The following PEX5L variants were observed in gnomAD, a reference collection of about 807,000 sequenced individuals.
PEX5L encodes PEX5-related protein.
PEX5L carries 30 observed loss-of-function variants against 84.0 expected under a neutral mutation model. The ratio of observed to expected loss-of-function variants is 0.36; its 90% CI spans 0.27 to 0.48. The LOEUF (loss-of-function observed/expected upper bound fraction) is 0.48, where lower values mean the gene tolerates loss of function less well. Ranked by LOEUF, PEX5L falls within the 20% of genes least tolerant of loss-of-function variation. PEX5L has a pLI of 0.99. For synonymous variants in PEX5L, 270 were observed against 283.1 expected (o/e 0.95, Z 0.46); for missense variants, 533 against 754.6 (o/e 0.71, Z 3.44).
rs1314300695 is a variant in PEX5L at position 179,800,539 on chromosome 3, A to T, written c.*1289T>A. 6.6e-6 allele frequency: 1 copy of T among 152,218 alleles called. No homozygotes were observed. Among genetic ancestry groups the T allele is most frequent in the Non-Finnish European group, 1.5e-5 (1 of 68,032 alleles). The allele number at this position is 152,218 out of a possible 1,614,324, so 9.4% of individuals were successfully genotyped here. A position where few individuals can be genotyped will look rare whatever the true frequency, so the allele number is the denominator to read the frequency against. On this transcript the variant is annotated 3_prime_UTR_variant, in exon 15 of 15. Coordinates refer to ENST00000467460, the MANE Select transcript of PEX5L (RefSeq NM_016559.3). ...CCCAAACACATACAAAACACTGTGG[A>T]GAACTAAGTGGAATTCAACCAATTA... is the stretch of plus-strand genomic sequence containing the variant.
At chr3:179,907,493 TG>T (rs1763672677) in intron 2 of PEX5L, among the ~76,000 whole-genome samples, 1 of 152,082 alleles carries the variant, frequency 6.6e-6, no homozygotes, top group African/African-American at 2.4e-5. Context: ...TTAATTTTTT[TG>T]GTAGAGGTGG....
chr3:179,859,374 G>A (rs1745205582), intron 7 of PEX5L, among the ~76,000 whole-genome samples: 1 of 152,136 alleles, frequency 6.6e-6, no homozygotes, highest in Non-Finnish European at 1.5e-5. Context: ...CCAACAGTGG[G>A]TCTCAGCCCT....
chr3:179,982,750 GAA>G (rs952839205), intron 1 of PEX5L, among the ~76,000 whole-genome samples: 11 of 152,188 alleles, frequency 7.2e-5, no homozygotes, highest in African/African-American at 2.6e-4. Flanking sequence ...AGGGTTTAAC[GAA>G]AAGTCTTTTA....
intron 2 of PEX5L, among the ~76,000 whole-genome samples, chr3:179,957,693 C>G (rs937501784): frequency 6.6e-6 from 1 of 152,110 alleles, no homozygotes; most frequent in African/African-American, 2.4e-5. Flanking sequence ...GGTTTTGTGC[C>G]AGGTGTAGAA....
At chr3:179,873,958 C>T (rs181082018) in intron 7 of PEX5L, among the ~76,000 whole-genome samples, 2 of 152,138 alleles carry the variant, frequency 1.3e-5, no homozygotes, top group East Asian at 3.9e-4. Context: ...TGTGAATGAA[C>T]ACTCAAGATG....
chr3:179,969,257 T>C (rs1399974344), intron 2 of PEX5L, among the ~76,000 whole-genome samples: 1 of 152,126 alleles, frequency 6.6e-6, no homozygotes, highest in Non-Finnish European at 1.5e-5. Flanking sequence ...AGATTAACTA[T>C]AACATATTTC....
At chr3:179,906,722 G>C (rs1241666659) in intron 2 of PEX5L, among the ~76,000 whole-genome samples, 1 of 151,894 alleles carries the variant, frequency 6.6e-6, no homozygotes, top group African/African-American at 2.4e-5. Flanking sequence ...ATTTTTTTTG[G>C]TGTTATTTTT....
intron 1 of PEX5L, chr3:179,973,800 C>A (rs1398976053): frequency 2.0e-6 from 2 of 985,270 alleles, no homozygotes; most frequent in East Asian, 1.1e-4. Context: ...TGTCCCCCAA[C>A]CAATCTAAAT....
At chr3:179,950,564 T>A (rs141794824) in intron 2 of PEX5L, among the ~76,000 whole-genome samples, 2 of 152,324 alleles carry the variant, frequency 1.3e-5, no homozygotes, top group East Asian at 3.9e-4. Context: ...TCTTCTCACA[T>A]CTTTAGTTTG....
At chr3:180,034,999 C>T (rs190847741) in intron 1 of PEX5L, among the ~76,000 whole-genome samples, 143 of 152,214 alleles carry the variant, frequency 9.4e-4, no homozygotes, top group African/African-American at 3.2e-3. Context: ...CATATTGTTG[C>T]TTCGATTCTT....
At chr3:179,913,445 TA>T (rs1387254660) in intron 2 of PEX5L, among the ~76,000 whole-genome samples, 1 of 152,198 alleles carries the variant, frequency 6.6e-6, no homozygotes, top group Non-Finnish European at 1.5e-5. Context: ...TAAGTTTCAG[TA>T]AAAACTTAAC....
Position 179,801,768 on chromosome 3 carries a change from T to A in PEX5L, c.*60A>T. 9.1e-7 allele frequency: 1 copy of A among 1,101,552 alleles called. No individual in the cohort carries two copies. 68.2% of individuals were successfully genotyped at this position (1,101,552 alleles called of 1,614,324 possible). A position where few individuals can be genotyped will look rare whatever the true frequency, so the allele number is the denominator to read the frequency against. On this transcript the variant is annotated 3_prime_UTR_variant, in exon 15 of 15. Coordinates refer to ENST00000467460, the MANE Select transcript of PEX5L (RefSeq NM_016559.3). Reference sequence around the variant, plus strand: ...TTTTGAAATTCATAATAAAATAGTTTTTGATTTTTCAGTACAATCACACAG... The same window carrying A: ...TTTTGAAATTCATAATAAAATAGTTATTGATTTTTCAGTACAATCACACAG...
rs149820037 is a variant in PEX5L, at chr3:180,032,018, T to A, written c.21+4561A>T. ...TTTCTTATAGTAAGTATATAAACTATTGGCCAGTATGGCTGGGGAATGAGA... is the reference window on the plus strand; with the variant it reads ...TTTCTTATAGTAAGTATATAAACTAATGGCCAGTATGGCTGGGGAATGAGA... On this transcript the variant is annotated intron_variant, in intron 1 of 14. Transcript: ENST00000467460. Among the ~76,000 whole-genome samples, 19 of 152,354 alleles carry A rather than the reference T, an allele frequency of 1.2e-4. No individual in the cohort carries two copies. In the East Asian group the frequency reaches 3.5e-3, roughly 28 times the overall value.
intron 1 of PEX5L, among the ~76,000 whole-genome samples, chr3:180,003,064 T>C (rs2110430750): frequency 6.6e-6 from 1 of 152,302 alleles, no homozygotes; most frequent in East Asian, 1.9e-4. Flanking sequence ...AAAAATCGAA[T>C]TCATTCTGTG....
intron 1 of PEX5L, among the ~76,000 whole-genome samples, chr3:179,977,871 TC>T (rs1785956933): frequency 6.6e-6 from 1 of 152,122 alleles, no homozygotes; most frequent in South Asian, 2.1e-4. Context: ...CATGGGCTTT[TC>T]CCCCCTCTCT....
chr3:179,833,199 T>A (rs1048215944), intron 8 of PEX5L, among the ~76,000 whole-genome samples: 1 of 152,184 alleles, frequency 6.6e-6, no homozygotes, highest in Admixed American at 6.5e-5. Flanking sequence ...AAAGGGTGAA[T>A]CTAAGAGGTT....
In PEX5L at chr3:179,875,336, G is replaced by A. The variant is rs137980693; in HGVS notation, c.629+18C>T. 332 of 1,612,916 alleles carry A rather than the reference G, an allele frequency of 2.1e-4. No individual in the cohort carries two copies. The African/African-American group carries it at 3.9e-3, about 19-fold the overall frequency. ...GTTGATACATAAATGGCCGTTTTCT[G>A]GTATTAAAATACCTTACCATAAGAG... On this transcript the variant is annotated intron_variant, in intron 6 of 14. Coordinates refer to ENST00000467460, the MANE Select transcript of PEX5L (RefSeq NM_016559.3).
chr3:180,015,298 C>G (rs1789847648), intron 1 of PEX5L, among the ~76,000 whole-genome samples: 1 of 152,178 alleles, frequency 6.6e-6, no homozygotes, highest in Non-Finnish European at 1.5e-5. Flanking sequence ...GGAGTTGACT[C>G]TGGAGCCAAA....
At chr3:179,897,317 A>T (rs1190140007) in intron 3 of PEX5L, among the ~76,000 whole-genome samples, 2 of 152,130 alleles carry the variant, frequency 1.3e-5, no homozygotes, top group Admixed American at 6.6e-5. Context: ...AAATTATAAG[A>T]TAAATGCAAG....
Sources: gnomAD v4.1 joint callset for allele counts (sites outside exome capture counted in the v4.1 genomes callset) on GRCh38, gnomAD v4.1.1 for gene constraint, MANE v1.5 for transcripts, NCBI Gene and HGNC (gene_info 2026-07-23, HGNC 2026-07-21) for gene names.